SORCS1: variants seen among roughly 807,000 people sequenced by gnomAD.
SORCS1 encodes the protein VPS10 domain-containing receptor SorCS1.
Under a neutral mutation model 146.1 loss-of-function variants are expected in SORCS1, and 60 were observed. The ratio of observed to expected loss-of-function variants is 0.41; its 90% CI spans 0.33 to 0.51. SORCS1 has a LOEUF of 0.51. Ranked by LOEUF, SORCS1 falls within the 20% of genes least tolerant of loss-of-function variation. The pLI is 0.21. For missense variants in SORCS1, 1,352 were observed against 1,487.6 expected (o/e 0.91, Z 1.50); for synonymous variants, 637 against 584.0 (o/e 1.09, Z -1.31).
chr10:106,776,853 T>G (rs577055482), intron 3 of SORCS1, among the ~76,000 whole-genome samples, 161 bp from the exon 4 acceptor site: 33 of 152,322 alleles, frequency 2.2e-4, no homozygotes, highest in African/African-American at 7.9e-4. Flanking sequence ...TTTTTCCATC[T>G]TGGATCAATG....
chr10:107,080,287 T>C (rs1730392550), intron 1 of SORCS1, among the ~76,000 whole-genome samples: 1 of 152,200 alleles, frequency 6.6e-6, no homozygotes, highest in South Asian at 2.1e-4. Flanking sequence ...CGTTTTCTGT[T>C]ATGTTCCCCT....
upstream of SORCS1, among the ~76,000 whole-genome samples, chr10:107,168,429 C>A (rs757740285): frequency 2.0e-5 from 3 of 152,216 alleles, no homozygotes; most frequent in Non-Finnish European, 2.9e-5. Flanking sequence ...AAAAAATCCA[C>A]ATGTGGATAA....
chr10:106,926,822 TATATATAC>T (rs1953046461), intron 2 of SORCS1, among the ~76,000 whole-genome samples: 1 of 26,222 alleles, frequency 3.8e-5, no homozygotes, highest in African/African-American at 8.2e-5. Flanking sequence ...TTCTAAGGAA[TATATATAC>T]ACACACACAC....
chr10:106,956,677 C>A, intron 1 of SORCS1, 97 bp from the exon 2 acceptor site: 1 of 962,544 alleles, frequency 1.0e-6, no homozygotes, highest in South Asian at 1.5e-5. Context: ...CTTTAATAGT[C>A]ACTTAACATA....
At chr10:106,751,829 C>A (rs1373206226) in intron 5 of SORCS1, among the ~76,000 whole-genome samples, 1 of 151,986 alleles carries the variant, frequency 6.6e-6, no homozygotes, top group East Asian at 1.9e-4. Context: ...AATTTTAGTA[C>A]CCTGTGTGTG....
chr10:107,048,209 T>G (rs555478443), intron 1 of SORCS1, among the ~76,000 whole-genome samples: 1 of 152,246 alleles, frequency 6.6e-6, no homozygotes, highest in African/African-American at 2.4e-5. Context: ...ATTTTAGTTA[T>G]GATTAGGTAT....
intron 1 of SORCS1, among the ~76,000 whole-genome samples, chr10:106,971,913 T>G (rs1955803907): frequency 6.6e-6 from 1 of 152,292 alleles, no homozygotes. Context: ...TTCTGTGTAA[T>G]AGGAGCAAGG....
At chr10:106,975,441 CT>C (rs1414499233) in intron 1 of SORCS1, among the ~76,000 whole-genome samples, 8 of 152,206 alleles carry the variant, frequency 5.3e-5, no homozygotes, top group Non-Finnish European at 1.2e-4. Context: ...ACTCAAAATG[CT>C]GTTGGCTACA....
At chr10:106,829,533 C>T (rs1284566685) in intron 3 of SORCS1, 41 bp downstream of exon 3, 1 of 1,452,876 alleles carries the variant, frequency 6.9e-7, no homozygotes, top group East Asian at 2.3e-5. Context: ...AGACAGAAGT[C>T]ACATCATGAA....
intron 2 of SORCS1, among the ~76,000 whole-genome samples, chr10:106,901,877 A>C (rs1358826619): frequency 6.6e-6 from 1 of 152,070 alleles, no homozygotes; most frequent in Non-Finnish European, 1.5e-5. Flanking sequence ...CCCTGCCTTT[A>C]TTAAATATAC....
At chr10:106,805,713 A>AT (rs1947127733) in intron 3 of SORCS1, among the ~76,000 whole-genome samples, 1 of 151,968 alleles carries the variant, frequency 6.6e-6, no homozygotes, top group Non-Finnish European at 1.5e-5. Flanking sequence ...GCATTTATTA[A>AT]TTTTTTCTGG....
At chr10:106,946,151 A>C (rs1374731723) in intron 2 of SORCS1, among the ~76,000 whole-genome samples, 2 of 152,240 alleles carry the variant, frequency 1.3e-5, no homozygotes, top group African/African-American at 4.8e-5. Context: ...TTTAGGATAG[A>C]AACAAGTGTA....
chr10:107,107,325 T>G (rs923782036), intron 1 of SORCS1, among the ~76,000 whole-genome samples: 5 of 152,268 alleles, frequency 3.3e-5, no homozygotes, highest in African/African-American at 1.2e-4. Flanking sequence ...AAGGTCATTC[T>G]GATGAGGTCT....
intron 2 of SORCS1, among the ~76,000 whole-genome samples, chr10:106,912,790 T>C (rs1375323230): frequency 6.6e-6 from 1 of 152,154 alleles, no homozygotes; most frequent in African/African-American, 2.4e-5. Flanking sequence ...GTGAGTCTCC[T>C]GCCTCAGCCT....
chr10:106,693,245 T>A (rs1252036), intron 9 of SORCS1, among the ~76,000 whole-genome samples: 1 of 152,204 alleles, frequency 6.6e-6, no homozygotes, highest in East Asian at 1.9e-4. Context: ...TTGTGAATCT[T>A]TGCATGCTTT....
At chr10:106,674,282 T>C (rs1215984757) in intron 14 of SORCS1, among the ~76,000 whole-genome samples, 1 of 121,616 alleles carries the variant, frequency 8.2e-6, no homozygotes, top group Non-Finnish European at 1.6e-5. Flanking sequence ...TGAGCCGAGA[T>C]CATGCCACTG....
intron 10 of SORCS1, among the ~76,000 whole-genome samples, chr10:106,684,167 G>A (rs191612169): frequency 9.3e-4 from 142 of 152,140 alleles, no homozygotes; most frequent in African/African-American, 2.8e-3. Flanking sequence ...GTGAAACCCT[G>A]TCTCTACTAA....
At chr10:106,715,600 G>A (rs759785166) in intron 6 of SORCS1, among the ~76,000 whole-genome samples, 9 of 152,198 alleles carry the variant, frequency 5.9e-5, no homozygotes, top group South Asian at 2.1e-4. Flanking sequence ...CCTTAGTCTT[G>A]AAATGTGTTG....
At chr10:106,694,274 A>T (rs1168468004) in intron 9 of SORCS1, among the ~76,000 whole-genome samples, 15 of 152,004 alleles carry the variant, frequency 9.9e-5, no homozygotes, top group Non-Finnish European at 1.9e-4. Context: ...TATTATTATT[A>T]TTTTTCCTTT....
Sources: gnomAD v4.1 joint callset for allele counts (sites outside exome capture counted in the v4.1 genomes callset) on GRCh38, gnomAD v4.1.1 for gene constraint, MANE v1.5 for transcripts, NCBI Gene and HGNC (gene_info 2026-07-23, HGNC 2026-07-21) for gene names.